The following ADGRL2 variants were observed in gnomAD, a reference collection of about 807,000 sequenced individuals.
ADGRL2 encodes adhesion G protein-coupled receptor L2.
Under a neutral mutation model 157.4 loss-of-function variants are expected in ADGRL2, and 44 were observed. The observed-to-expected ratio is 0.28, with a 90% CI of 0.22 to 0.36. The LOEUF is 0.36. Ranked by LOEUF, ADGRL2 falls within the 10% of genes least tolerant of loss-of-function variation. The pLI is 1.00. For missense variants in ADGRL2, 1,510 were observed against 1,768.9 expected (o/e 0.85, Z 2.63); for synonymous variants, 585 against 624.7 (o/e 0.94, Z 0.95).
intron 3 of ADGRL2, among the ~76,000 whole-genome samples, chr1:81,608,375 T>A (rs2081475597): frequency 6.6e-6 from 1 of 152,194 alleles, no homozygotes; most frequent in Non-Finnish European, 1.5e-5. Context: ...CACAGCATAA[T>A]GAAAGCACAG....
intron 2 of ADGRL2, among the ~76,000 whole-genome samples, chr1:81,768,930 C>A (rs899042626): frequency 2.6e-5 from 4 of 151,932 alleles, no homozygotes; most frequent in African/African-American, 9.7e-5. Context: ...AAAAAAAATA[C>A]AAAAATTAGC....
intron 6 of ADGRL2, among the ~76,000 whole-genome samples, chr1:81,947,540 G>T (rs902893681): frequency 1.3e-5 from 2 of 152,110 alleles, no homozygotes; most frequent in African/African-American, 4.8e-5. Context: ...CCTACTTCAT[G>T]GAGTTGTGGT....
At chr1:81,571,151 C>G (rs12130807) in intron 2 of ADGRL2, among the ~76,000 whole-genome samples, 3 of 151,516 alleles carry the variant, frequency 2.0e-5, no homozygotes, top group African/African-American at 7.3e-5. Context: ...GTGGTGAAAC[C>G]CTGTCTCTAC....
At chr1:81,770,467 T>C (rs1405408911) in intron 2 of ADGRL2, among the ~76,000 whole-genome samples, 2 of 145,588 alleles carry the variant, frequency 1.4e-5, no homozygotes, top group African/African-American at 5.1e-5. Flanking sequence ...GGCTGCCTTT[T>C]TTCAATGTTT....
At chr1:81,526,814 CA>C (rs2079469128) in intron 2 of ADGRL2, among the ~76,000 whole-genome samples, 1 of 152,194 alleles carries the variant, frequency 6.6e-6, no homozygotes, top group Non-Finnish European at 1.5e-5. Context: ...TAAATTAAAT[CA>C]GATATTTTTG....
chr1:81,797,680 CA>C (rs1187003690), upstream of ADGRL2, among the ~76,000 whole-genome samples: 2 of 152,118 alleles, frequency 1.3e-5, no homozygotes, highest in Non-Finnish European at 2.9e-5. Flanking sequence ...TCCCTATAAA[CA>C]AAGATACTTA....
At chr1:81,747,145 A>C (rs1459425077) in intron 1 of ADGRL2, among the ~76,000 whole-genome samples, 1 of 140,098 alleles carries the variant, frequency 7.1e-6, no homozygotes, top group African/African-American at 3.0e-5. Flanking sequence ...ATGTATACAT[A>C]TATACGTATA....
rs192229196 is a variant in ADGRL2 at position 81,620,875 on chromosome 1, G to C, written c.-143+39895G>C. Among the ~76,000 whole-genome samples the C allele has an allele frequency of 2.2e-3, 337 of 152,286 alleles. 1 individual carries two copies. The highest frequency in any genetic ancestry group is 7.6e-3 in the African/African-American group (317 of 41,560). On this transcript the variant is annotated intron_variant, in intron 3 of 24. Coordinates refer to the ADGRL2 transcript ENST00000370721. ...GTCAGACAAGGCCTCCGATGAACAC[G>C]GAAGCAGAGCAGGGCCAAATGTGAA...
At chr1:81,889,191 A>G (rs1440011176) in intron 2 of ADGRL2, among the ~76,000 whole-genome samples, 1 of 152,262 alleles carries the variant, frequency 6.6e-6, no homozygotes, top group Non-Finnish European at 1.5e-5. Flanking sequence ...ATCAAAAGAT[A>G]GAAATGATTA....
chr1:81,672,729 T>C (rs1315514280), intron 3 of ADGRL2, among the ~76,000 whole-genome samples: 1 of 152,120 alleles, frequency 6.6e-6, no homozygotes, highest in Non-Finnish European at 1.5e-5. Flanking sequence ...AATTGACTAG[T>C]GTTTTAAGGA....
rs551122425 is a variant in ADGRL2, at chr1:81,418,579, G to A, written c.-301-26457G>A. On this transcript the variant is annotated intron_variant, in intron 1 of 24. Coordinates refer to the ADGRL2 transcript ENST00000370721. ...ATCCTGGCTAACACGGTGAAACCCCGTCTCTACTAAAAATACAAAAAAAAA... is the reference window on the plus strand; with the variant it reads ...ATCCTGGCTAACACGGTGAAACCCCATCTCTACTAAAAATACAAAAAAAAA... 9.9e-4 allele frequency among the ~76,000 whole-genome samples: 144 copies of A among 146,088 alleles called. 1 individual carries two copies. The highest frequency in any genetic ancestry group is 3.5e-3 in the Middle Eastern group (1 of 284).
At chr1:81,953,376 A>G (rs1652466176) in intron 10 of ADGRL2, among the ~76,000 whole-genome samples, 1 of 152,182 alleles carries the variant, frequency 6.6e-6, no homozygotes, top group Non-Finnish European at 1.5e-5. Context: ...GCAGTTTATC[A>G]TATCAAAGAC....
At chr1:81,624,371 A>G (rs1366650035) in intron 3 of ADGRL2, among the ~76,000 whole-genome samples, 2 of 152,104 alleles carry the variant, frequency 1.3e-5, no homozygotes, top group African/African-American at 4.8e-5. Context: ...ACTTGAGGCC[A>G]GGAGTTCAAG....
intron 1 of ADGRL2, among the ~76,000 whole-genome samples, chr1:81,822,289 A>G (rs1157640087): frequency 6.6e-6 from 1 of 151,918 alleles, no homozygotes; most frequent in Non-Finnish European, 1.5e-5. Flanking sequence ...GATGGAAACA[A>G]TGTTTTCTCA....
intron 2 of ADGRL2, among the ~76,000 whole-genome samples, chr1:81,474,755 T>G (rs2078238423): frequency 6.6e-6 from 1 of 152,220 alleles, no homozygotes; most frequent in Admixed American, 6.5e-5. Context: ...TTATTGAACA[T>G]TTTTCAGTCA....
intron 1 of ADGRL2, among the ~76,000 whole-genome samples, chr1:81,701,894 T>C (rs552084150): frequency 6.6e-6 from 1 of 152,314 alleles, no homozygotes; most frequent in South Asian, 2.1e-4. Flanking sequence ...CCCTGGGACA[T>C]AGATGTTTTT....
At chr1:81,919,231 CATTT>C (rs550331281) in intron 3 of ADGRL2, among the ~76,000 whole-genome samples, 153 of 152,098 alleles carry the variant, frequency 1.0e-3, no homozygotes, top group African/African-American at 3.5e-3. Flanking sequence ...TAAACTAAAA[CATTT>C]ATTTATTTAG....
Position 81,440,786 on chromosome 1 carries a change from C to T in ADGRL2, c.-301-4250C>T, listed in dbSNP as rs138385533. 2.4e-3 allele frequency among the ~76,000 whole-genome samples: 363 copies of T among 152,316 alleles called. 1 individual carries two copies. The highest frequency in any genetic ancestry group is 7.5e-3 in the African/African-American group (311 of 41,562). On this transcript the variant is annotated intron_variant, in intron 1 of 24. Coordinates refer to the ADGRL2 transcript ENST00000370721. ...AGTTTCTAATTTATCTATGTCTCTT[C>T]CTTTTCCCTTACTGCACGTCTCAGC... is the stretch of plus-strand genomic sequence containing the variant.
At chr1:81,378,480 A>C (rs533414864) in intron 1 of ADGRL2, among the ~76,000 whole-genome samples, 1 of 150,694 alleles carries the variant, frequency 6.6e-6, no homozygotes, top group African/African-American at 2.4e-5. Context: ...GCATCACCTG[A>C]ACCCAGGAGT....
Sources: gnomAD v4.1 joint callset for allele counts (sites outside exome capture counted in the v4.1 genomes callset) on GRCh38, gnomAD v4.1.1 for gene constraint, MANE v1.5 for transcripts, NCBI Gene and HGNC (gene_info 2026-07-23, HGNC 2026-07-21) for gene names.